Variants in ACSL6 observed in about 807,000 individuals in gnomAD.
The protein encoded by ACSL6 is acyl-CoA synthetase long chain family member 6.
A neutral mutation model predicts 98.2 loss-of-function variants in ACSL6; 47 were observed. The ratio of observed to expected loss-of-function variants is 0.48; its 90% CI spans 0.38 to 0.61. The LOEUF (loss-of-function observed/expected upper bound fraction) is 0.61. Among genes scored for constraint, ACSL6 ranks in the 20% least tolerant of loss-of-function variants. ACSL6 has a pLI of 0.00. For missense variants in ACSL6, 761 were observed against 913.4 expected, an observed-to-expected ratio of 0.83 and a Z score of 2.15; for synonymous variants, 362 against 336.9, an observed-to-expected ratio of 1.07 and a Z score of -0.82.
At chr5:131,991,231 C>CAT (rs1269387643) in intron 2 of ACSL6, among the ~76,000 whole-genome samples, 3 of 152,204 alleles carry the variant, frequency 2.0e-5, no homozygotes, top group African/African-American at 7.2e-5. Context: ...ACTCCACACA[C>CAT]ACATACAGCA....
chr5:131,968,462 T>C (rs1753137136), intron 15 of ACSL6, among the ~76,000 whole-genome samples: 1 of 152,210 alleles, frequency 6.6e-6, no homozygotes, highest in Non-Finnish European at 1.5e-5. Context: ...AGACTGTTGA[T>C]TACTATGCTG....
intron 15 of ACSL6, 44 bp from the exon 16 acceptor site, chr5:131,968,072 G>A (rs146103907): frequency 3.6e-4 from 553 of 1,547,726 alleles, no homozygotes; most frequent in Non-Finnish European, 4.4e-4. Context: ...GTTCAGATCT[G>A]TTTTAGCACT....
chr5:132,002,131 G>A (rs1261688720), intron 1 of ACSL6, among the ~76,000 whole-genome samples: 1 of 152,200 alleles, frequency 6.6e-6, no homozygotes, highest in Non-Finnish European at 1.5e-5. Context: ...CCCTGGGACA[G>A]CAGGCAGGAC....
Position 131,962,538 on chromosome 5 carries a change from T to C in ACSL6, c.1854A>G (p.Leu618=). ...GGCTGAAGCCTAGAGGCCTCACCTT[T>C]AAGCTGTCCCCATGGACATAGATTT... is the stretch of plus-strand genomic sequence containing the variant. ...VAQIYVHGDS[L]KAFLVGIVVP... The change falls in exon 18 of 21, where the codon TTA becomes TTG. Residue 618 remains leucine (L), a synonymous_variant. Coordinates refer to ENST00000651883, the MANE Select transcript of ACSL6 (RefSeq NM_001009185.3). 6.2e-7 allele frequency: 1 copy of C among 1,613,964 alleles called. No individual in the cohort carries two copies. Among genetic ancestry groups the C allele is most frequent in the Non-Finnish European group, 8.5e-7 (1 of 1,179,890 alleles).
intron 11 of ACSL6, chr5:131,974,667 G>T: frequency 7.0e-7 from 1 of 1,423,638 alleles, no homozygotes; most frequent in Non-Finnish European, 9.7e-7. Context: ...AGGGCAGTTT[G>T]GTCCTACTTC....
upstream of ACSL6, chr5:132,011,855 G>C (rs1755756064): frequency 6.6e-7 from 1 of 1,514,690 alleles, no homozygotes; most frequent in Non-Finnish European, 8.9e-7. The surrounding 1 kb of genome is among the most constrained non-coding windows in gnomAD (Gnocchi z 5.4). Context: ...CCGGGCGGGG[G>C]AGGGGCCCGG....
In ACSL6 at chr5:131,951,504, G is replaced by C. The variant is rs1416958806; in HGVS notation, c.*2730C>G. 5.0e-6 allele frequency: 1 copy of C among 200,754 alleles called. No homozygotes were observed. Among genetic ancestry groups the C allele is most frequent in the Non-Finnish European group, 1.0e-5 (1 of 97,684 alleles). 12.4% of individuals were successfully genotyped at this position (200,754 alleles called of 1,614,324 possible). A position where few individuals can be genotyped will look rare whatever the true frequency, so the allele number is the denominator to read the frequency against. On this transcript the variant is annotated 3_prime_UTR_variant, in exon 21 of 21. Transcript: ENST00000651883. ...AACTAACCCATTTATTGGCCCAAGT[G>C]TGATGATTTCCACATAGACCTGGAA...
chr5:131,968,291 C>G (rs369854822), intron 15 of ACSL6: 1 of 397,324 alleles, frequency 2.5e-6, no homozygotes. Flanking sequence ...CCAGCACCAA[C>G]GTGCACAGGG....
intron 17 of ACSL6, among the ~76,000 whole-genome samples, chr5:131,965,291 C>T (rs529031439): frequency 2.0e-5 from 3 of 152,306 alleles, no homozygotes; most frequent in South Asian, 2.1e-4. Flanking sequence ...CAGTGACAGC[C>T]GTTTTCTGGT....
chr5:132,004,191 G>A (rs1200726890), intron 1 of ACSL6, among the ~76,000 whole-genome samples: 2 of 151,962 alleles, frequency 1.3e-5, no homozygotes, highest in Non-Finnish European at 2.9e-5. Context: ...CTTCAACCAA[G>A]GCTCCATGCC....
rs903153666 is a variant in ACSL6, at chr5:131,953,686, G to C, written c.*548C>G. On this transcript the variant is annotated 3_prime_UTR_variant, in exon 21 of 21. Transcript: ENST00000651883. ...AATCAGAGAGAAAATTTTCACATAT[G>C]ACAATGTGGATTGTCATGTTTAAAG... 2 of 190,784 alleles carry C rather than the reference G, an allele frequency of 1.0e-5. No homozygotes were observed. Among genetic ancestry groups the C allele is most frequent in the Non-Finnish European group, 1.1e-5 (1 of 90,816 alleles). 11.8% of individuals were successfully genotyped at this position (190,784 alleles called of 1,614,324 possible).
intron 4 of ACSL6, among the ~76,000 whole-genome samples, 159 bp from the exon 5 acceptor site, chr5:131,989,667 C>T (rs1189015995): frequency 7.1e-6 from 1 of 140,246 alleles, no homozygotes; most frequent in Non-Finnish European, 1.5e-5. Flanking sequence ...ACAATCTCTG[C>T]TCACTGCAAC....
At chr5:132,011,794 C>A (rs1436006010), upstream of ACSL6, 1 of 1,371,340 alleles carries the variant, frequency 7.3e-7, no homozygotes, top group Admixed American at 3.4e-5. This position sits in a 1 kb window ranked among gnomAD's most constrained non-coding sequence, Gnocchi z 5.4. Context: ...CCTGGCCGGC[C>A]GGGTCTGGGG....
intron 1 of ACSL6, among the ~76,000 whole-genome samples, chr5:132,008,869 T>A (rs1175196743): frequency 6.6e-6 from 1 of 152,208 alleles, no homozygotes; most frequent in African/African-American, 2.4e-5. Context: ...GTGTGCCCTT[T>A]TAGAAAGTTA....
intron 1 of ACSL6, chr5:132,006,369 G>A (rs1459990066): frequency 6.6e-6 from 1 of 152,190 alleles, no homozygotes; most frequent in Non-Finnish European, 1.5e-5. Flanking sequence ...GTAGGCCCAG[G>A]AATAACCACA....
At position 131,970,798 on chromosome 5, in the gene ACSL6, T is replaced by C. The variant is rs568402721; in HGVS notation, c.1435-598A>G. On this transcript the variant is annotated intron_variant, in intron 14 of 20. Coordinates refer to ENST00000651883, the MANE Select transcript of ACSL6 (RefSeq NM_001009185.3). Reference sequence around the variant, plus strand: ...CTGAATCTACTTTTCATCTGGATAATAATGAATTAAAGATAAACATTTTAA... The same window carrying C: ...CTGAATCTACTTTTCATCTGGATAACAATGAATTAAAGATAAACATTTTAA... 2.0e-5 allele frequency among the ~76,000 whole-genome samples: 3 copies of C among 152,326 alleles called. No homozygotes were observed. The South Asian group carries it at 6.2e-4, about 32-fold the overall frequency.
In ACSL6 at chr5:131,972,872, G is replaced by T. The variant is rs368175620; in HGVS notation, c.1204-14C>A. 22 of 1,613,952 alleles carry T rather than the reference G, an allele frequency of 1.4e-5. No individual in the cohort carries two copies. In the African/African-American group the frequency reaches 2.5e-4, roughly 19 times the overall value. On this transcript the variant is annotated splice_polypyrimidine_tract_variant and intron_variant, in intron 12 of 20. Coordinates refer to ENST00000651883, the MANE Select transcript of ACSL6 (RefSeq NM_001009185.3). ...CTGGCTGAAGATCTGAGGAACATAA[G>T]TTGGAAGCAGCTGTCAGAGCCTGAA...
chr5:131,996,731 G>A (rs1754812410), intron 1 of ACSL6, among the ~76,000 whole-genome samples: 2 of 152,214 alleles, frequency 1.3e-5, no homozygotes, highest in African/African-American at 4.8e-5. Flanking sequence ...TCATCCATCT[G>A]TCTTTCAACG....
At chr5:131,963,648 C>A (rs1241235773) in intron 17 of ACSL6, among the ~76,000 whole-genome samples, 1 of 152,160 alleles carries the variant, frequency 6.6e-6, no homozygotes, top group Non-Finnish European at 1.5e-5. Context: ...GTCAGGCTCA[C>A]CTGTCCTTGC....
Sources: gnomAD v4.1 joint callset for allele counts (sites outside exome capture counted in the v4.1 genomes callset) on GRCh38, gnomAD v4.1.1 for gene constraint, Gnocchi (gnomAD v3.1) non-coding constraint, MANE v1.5 for transcripts, NCBI Gene and HGNC (gene_info 2026-07-23, HGNC 2026-07-21) for gene names.